The following RIBC1 variants were observed in gnomAD, a reference collection of about 807,000 sequenced individuals.
The protein encoded by RIBC1 is RIB43A-like with coiled-coils protein 1.
RIBC1 carries 12 observed loss-of-function variants against 33.7 expected under a neutral mutation model. That is an observed-to-expected ratio of 0.36 (90% CI 0.23 to 0.58). RIBC1 has a LOEUF of 0.58. Ranked by LOEUF, RIBC1 falls within the 20% of genes least tolerant of loss-of-function variation. The pLI, the probability that RIBC1 is intolerant of heterozygous loss-of-function variation, is 0.81. For missense variants in RIBC1, 242 were observed against 311.6 expected (o/e 0.78, Z 1.68); for synonymous variants, 89 against 109.0 (o/e 0.82, Z 1.14).
intron 2 of RIBC1, among the ~76,000 whole-genome samples, chrX:53,424,850 G>A (rs2075782915): frequency 9.5e-6 from 1 of 105,729 alleles, no homozygotes; most frequent in Admixed American, 1.0e-4. Context: ...AGAATTGCTT[G>A]AGTTCAAGAC....
chrX:53,430,621 C>T lies in RIBC1; in HGVS notation c.889C>T (p.Gln297Ter). The T allele has an allele frequency of 8.3e-7, 1 of 1,205,703 alleles. No homozygotes were observed. The highest frequency in any genetic ancestry group is 1.1e-6 in the Non-Finnish European group (1 of 892,015). ...KEQEVQRSKK[Q>*]AHRQAEKTLD... ...GCAGGAAGTACAACGCTCTAAGAAG[C>T]AAGCACACCGTCAGGCTGAGAAAAC... The change falls in exon 7 of 8, where the codon CAA becomes TAA. Residue 297 changes from glutamine (Q) to a stop codon, truncating the protein, a stop_gained. Transcript: ENST00000375327. LOFTEE classifies it high-confidence loss of function.
At chrX:53,430,860 G>A (rs782241306) in intron 7 of RIBC1, 47 bp from the exon 8 acceptor site, 9 of 1,210,691 alleles carry the variant, frequency 7.4e-6, no homozygotes, top group Non-Finnish European at 1.0e-5. Flanking sequence ...AGGAACCATG[G>A]AGAGAGGGAA....
In RIBC1 at chrX:53,430,389, C is replaced by G. The variant is rs1556894010; in HGVS notation, c.664-7C>G. On this transcript the variant is annotated splice_polypyrimidine_tract_variant and splice_region_variant and intron_variant, in intron 6 of 7. Transcript: ENST00000375327. ...ACCCAAATGTTTGCATTTGGGGGCT[C>G]CACCAGGCAGCTGTGCAGGCTGGGC... is the stretch of plus-strand genomic sequence containing the variant. 8.3e-7 allele frequency: 1 copy of G among 1,201,988 alleles called. No homozygotes were observed. The highest frequency in any genetic ancestry group is 1.8e-5 in the South Asian group (1 of 56,028).
Position 53,430,984 on chromosome X carries a change from G to T in RIBC1, c.1136G>T (p.Arg379Leu). Residue 379 changes from arginine (R) to leucine (L), a missense_variant, in exon 8 of 8, where the codon CGC becomes CTC. Physicochemically the swap from Arg to Leu is moderately radical, Grantham distance 102. Coordinates refer to ENST00000375327, the MANE Select transcript of RIBC1 (RefSeq NM_001031745.5). ...CACCAGCAGTTTAACACCAGCAGCC[G>T]CTAAGTTCAGGATGTCTATCTCTCT... ...QYHQQFNTSS[R>L] is the part of the protein sequence containing the mutation. The T allele has an allele frequency of 8.3e-7, 1 of 1,211,009 alleles. No individual in the cohort carries two copies. The highest frequency in any genetic ancestry group is 3.0e-5 in the East Asian group (1 of 33,832).
chrX:53,427,320 G>C lies in RIBC1; in HGVS notation c.118-683G>C, dbSNP rs1259659425. 2.7e-5 allele frequency among the ~76,000 whole-genome samples: 3 copies of C among 111,943 alleles called. No homozygotes were observed. The South Asian group carries it at 1.1e-3, about 41-fold the overall frequency. ...CCCAGGCTCCTCTTCTGTAAAATGA[G>C]GCTGAAGGAAGTCAGGTGAGTGTTA... On this transcript the variant is annotated intron_variant, in intron 3 of 7. Transcript: ENST00000375327.
intron 2 of RIBC1, among the ~76,000 whole-genome samples, chrX:53,424,512 T>G (rs1429043968): frequency 9.2e-6 from 1 of 108,393 alleles, no homozygotes; most frequent in East Asian, 3.0e-4. Context: ...AGGTGCCCAC[T>G]GCCACGCCTG....
chrX:53,422,911 A>G lies in RIBC1; in HGVS notation c.-183A>G. 1 of 276,540 alleles carries G rather than the reference A, an allele frequency of 3.6e-6. No homozygotes were observed. The highest frequency in any genetic ancestry group is 6.7e-6 in the Non-Finnish European group (1 of 148,247). The allele number at this position is 276,540 out of a possible 1,213,427, so 22.8% of individuals were successfully genotyped here. A position where few individuals can be genotyped will look rare whatever the true frequency, so the allele number is the denominator to read the frequency against. ...AGTTGTTGCTGGGCGGAGTCAGAGC[A>G]GTTCTTGAGGTTCAAGGAGGCGGGG... On this transcript the variant is annotated 5_prime_UTR_variant, in exon 1 of 8. Transcript: ENST00000375327.
At chrX:53,424,343 G>A (rs2075779150) in intron 2 of RIBC1, among the ~76,000 whole-genome samples, 1 of 110,537 alleles carries the variant, frequency 9.0e-6, no homozygotes, top group African/African-American at 3.3e-5. Context: ...GGAGGCTGGG[G>A]CAGGAAGATC....
In RIBC1 at chrX:53,422,880, C is replaced by G. The variant is rs782143884; in HGVS notation, c.-214C>G. On this transcript the variant is annotated 5_prime_UTR_variant, in exon 1 of 8. Coordinates refer to ENST00000375327, the MANE Select transcript of RIBC1 (RefSeq NM_001031745.5). Reference sequence around the variant, plus strand: ...CACTTGCTCCTGCGGACCAGATCCCCGGAGGAGTTGTTGCTGGGCGGAGTC... The same window carrying G: ...CACTTGCTCCTGCGGACCAGATCCCGGGAGGAGTTGTTGCTGGGCGGAGTC... 3.4e-6 allele frequency: 1 copy of G among 295,084 alleles called. No homozygotes were observed. The highest frequency in any genetic ancestry group is 7.7e-5 in the East Asian group (1 of 13,008). The allele number at this position is 295,084 out of a possible 1,213,427, so 24.3% of individuals were successfully genotyped here.
chrX:53,426,305 C>G lies in RIBC1; in HGVS notation c.29C>G (p.Thr10Ser). The change falls in exon 3 of 8, where the codon ACC (threonine) becomes AGC (serine). Residue 10 changes from threonine to serine, a missense_variant. Thr to Ser is a moderately conservative substitution (Grantham distance 58, BLOSUM62 1). Coordinates refer to ENST00000375327, the MANE Select transcript of RIBC1 (RefSeq NM_001031745.5). MYNIKQSTDTKEAAAIEARR... is the reference protein window; with the variant it reads MYNIKQSTDSKEAAAIEARR... ...TATAACATAAAACAGTCAACAGATA[C>G]CAAGGAAGCAGCAGCCATCGAGGCT... 2 of 1,208,484 alleles carry G rather than the reference C, an allele frequency of 1.7e-6. No homozygotes were observed. The highest frequency in any genetic ancestry group is 1.7e-5 in the African/African-American group (1 of 57,662).
At chrX:53,427,256 T>C (rs1270698516) in intron 3 of RIBC1, among the ~76,000 whole-genome samples, 4 of 112,397 alleles carry the variant, frequency 3.6e-5, no homozygotes, top group Non-Finnish European at 7.5e-5. Flanking sequence ...CTGACTGTTA[T>C]GTGTGTGGCT....
intron 2 of RIBC1, among the ~76,000 whole-genome samples, chrX:53,425,780 T>TA (rs782611671): frequency 8.9e-6 from 1 of 111,934 alleles, no homozygotes; most frequent in Admixed American, 9.5e-5. Flanking sequence ...TGGTGCCACT[T>TA]ACTGAAATAA....
chrX:53,431,044 G>A lies in RIBC1; in HGVS notation c.*56G>A. On this transcript the variant is annotated 3_prime_UTR_variant, in exon 8 of 8. Coordinates refer to ENST00000375327, the MANE Select transcript of RIBC1 (RefSeq NM_001031745.5). ...CCTCCATCAAGCTCACAGGTGGTTA[G>A]GAGTCAAAGAGAAAAATGCTGCATA... 8.3e-7 allele frequency: 1 copy of A among 1,208,374 alleles called. No homozygotes were observed. Among genetic ancestry groups the A allele is most frequent in the Non-Finnish European group, 1.1e-6 (1 of 893,659 alleles).
chrX:53,426,126 A>C (rs4830346), intron 2 of RIBC1, 151 bp from the exon 3 acceptor site: 19,016 of 434,840 alleles, frequency 0.044, 495 homozygotes, highest in Admixed American at 0.14. Context: ...GACAGCAGAG[A>C]TGGAGGGCAC....
chrX:53,430,725 G>A lies in RIBC1; in HGVS notation c.993G>A (p.Leu331=). The A allele has an allele frequency of 8.3e-7, 1 of 1,204,302 alleles. No individual in the cohort carries two copies. Residue 331 remains leucine (L), a synonymous_variant, in exon 7 of 8, where the codon TTG becomes TTA. Coordinates refer to ENST00000375327, the MANE Select transcript of RIBC1 (RefSeq NM_001031745.5). ...AGCTAGAAGAGCAGGAGAGGGAATT[G>A]TGTGCTGTATTTCAAAGGGGTCTAG... is the stretch of plus-strand genomic sequence containing the variant. ...VLELEEQERE[L]CAVFQRGLGS...
Position 53,430,731 on chromosome X carries a change from TG to T in RIBC1, c.1000del (p.Val334TyrfsTer6), listed in dbSNP as rs1556894270. 1 of 1,202,518 alleles carries T rather than the reference TG, an allele frequency of 8.3e-7. No individual in the cohort carries two copies. Among genetic ancestry groups the T allele is most frequent in the East Asian group, 3.0e-5 (1 of 33,562 alleles). On this transcript the variant is annotated frameshift_variant, in exon 7 of 8. Transcript: ENST00000375327. LOFTEE classifies it high-confidence loss of function. The part of the protein sequence containing the change: ...LEEQERELCA[V>X]FQRGLGSFNQ... ...AAGAGCAGGAGAGGGAATTGTGTGCTGTATTTCAAAGGGGTCTAGGATCCTT... is the reference window on the plus strand; with the variant it reads ...AAGAGCAGGAGAGGGAATTGTGTGCTTATTTCAAAGGGGTCTAGGATCCTT...
chrX:53,423,828 C>T (rs1556892696), intron 2 of RIBC1, among the ~76,000 whole-genome samples: 1 of 111,906 alleles, frequency 8.9e-6, no homozygotes, highest in Non-Finnish European at 1.9e-5. Context: ...GTAATCCCAT[C>T]GTGAGGGAGG....
At chrX:53,428,689 G>C in intron 5 of RIBC1, 62 bp downstream of exon 5, 1 of 1,182,874 alleles carries the variant, frequency 8.5e-7, no homozygotes, top group Non-Finnish European at 1.1e-6. Flanking sequence ...GTCCTAAGCT[G>C]AGTACAGCAG....
Position 53,430,893 on chromosome X carries a change from G to A in RIBC1, c.1059-14G>A, listed in dbSNP as rs782084539. 11 of 1,208,836 alleles carry A rather than the reference G, an allele frequency of 9.1e-6. No homozygotes were observed. The African/African-American group carries it at 1.9e-4, about 21-fold the overall frequency. On this transcript the variant is annotated splice_polypyrimidine_tract_variant and intron_variant, in intron 7 of 7. Coordinates refer to ENST00000375327, the MANE Select transcript of RIBC1 (RefSeq NM_001031745.5). ...GAAAGCATGTCAGCTGAGACCTCTG[G>A]ACTTCTTTCACAGGCAGGATTACCT...
Sources: allele counts gnomAD v4.1 joint callset (sites outside exome capture counted in the v4.1 genomes callset), GRCh38; gene constraint gnomAD v4.1.1; transcripts MANE v1.5; gene names NCBI Gene and HGNC (gene_info 2026-07-23, HGNC 2026-07-21).